Variants in CCL5 observed in about 807,000 individuals in gnomAD.
CCL5 encodes C-C motif chemokine 5.
A neutral mutation model predicts 9.0 loss-of-function variants in CCL5; 5 were observed. The ratio of observed to expected loss-of-function variants is 0.55; its 90% confidence interval spans 0.29 to 1.16. The LOEUF (loss-of-function observed/expected upper bound fraction) is 1.16. CCL5 is among the 50% of genes most tolerant of loss of function. The pLI, the probability that CCL5 is intolerant of heterozygous loss-of-function variation, is 0.08. For synonymous variants in CCL5, 66 were observed against 72.0 expected, an observed-to-expected ratio of 0.92 and a Z score of 0.42; for missense variants, 183 against 183.2, an observed-to-expected ratio of 1.00 and a Z score of 0.01.
intron 1 of CCL5, among the ~76,000 whole-genome samples, chr17:35,879,418 A>AT (rs2088484290): frequency 6.6e-6 from 1 of 152,144 alleles, no homozygotes. Context: ...GCGGATCACG[A>AT]GGTCAAGAGA....
At chr17:35,873,388 T>C (rs989658708) in intron 3 of CCL5, among the ~76,000 whole-genome samples, 13 of 151,268 alleles carry the variant, frequency 8.6e-5, no homozygotes, top group South Asian at 2.1e-4. Context: ...AGAGTTTCAC[T>C]GTGTTAGCCA....
intron 1 of CCL5, among the ~76,000 whole-genome samples, chr17:35,879,875 C>T (rs1048688833): frequency 2.0e-5 from 3 of 151,988 alleles, no homozygotes; most frequent in Non-Finnish European, 4.4e-5. Flanking sequence ...TCTTAGAAAC[C>T]CTGCTGCTGA....
At chr17:35,875,486 G>T in intron 3 of CCL5, 2 of 563,312 alleles carry the variant, frequency 3.6e-6, no homozygotes, top group Non-Finnish European at 4.5e-6. Context: ...GGGAACGGAA[G>T]CAATATTCTG....
intron 3 of CCL5, among the ~76,000 whole-genome samples, chr17:35,872,983 G>A (rs975163878): frequency 2.6e-5 from 4 of 151,722 alleles, no homozygotes; most frequent in African/African-American, 4.8e-5. Context: ...TTCGCCTCCC[G>A]GGTTCAAGCG....
At chr17:35,878,431 C>T in intron 2 of CCL5, 97 bp downstream of exon 2, 1 of 784,188 alleles carries the variant, frequency 1.3e-6, no homozygotes, top group Admixed American at 2.0e-5. Context: ...GCTGTGGCTG[C>T]TTGCAGCTGG....
At chr17:35,880,348 GATCCTCTGCAGGA>G (rs774271444) in exon 1 of CCL5, 2 of 1,522,142 alleles carry the variant, frequency 1.3e-6, no homozygotes, top group Non-Finnish European at 1.8e-6. Context: ...GTGCTGTCTT[GATCCTCTGCAGGA>G]ATCCTCTGCA....
In CCL5 at chr17:35,872,472, AGAG is replaced by A. The variant is rs765182976; in HGVS notation, c.271-11_271-9del. ...TTCTTTCGGGTGACAAAGCTGTGGG[AGAG>A]GAGAAGAAGAGGGAGGATGAGACCT... On this transcript the variant is annotated splice_polypyrimidine_tract_variant and intron_variant, in intron 3 of 3. Transcript: ENST00000651122. 7 of 1,613,752 alleles carry A rather than the reference AGAG, an allele frequency of 4.3e-6. No individual in the cohort carries two copies. The highest frequency in any genetic ancestry group is 5.9e-6 in the Non-Finnish European group (7 of 1,179,762).
Position 35,879,733 on chromosome 17 carries a change from T to C in CCL5, c.76+497A>G, listed in dbSNP as rs1237362692. On this transcript the variant is annotated intron_variant, in intron 1 of 3. Coordinates refer to ENST00000651122, the MANE Select transcript of CCL5 (RefSeq NM_001278736.2). ...AGCTTTTATTATCCTCTCCTTGTTTTTATTTGTTTTTTAAATGTATTCACT... is the reference window on the plus strand; with the variant it reads ...AGCTTTTATTATCCTCTCCTTGTTTCTATTTGTTTTTTAAATGTATTCACT... Among the ~76,000 whole-genome samples, 3 of 152,282 alleles carry C rather than the reference T, an allele frequency of 2.0e-5. No homozygotes were observed. In the South Asian group the frequency reaches 6.2e-4, roughly 32 times the overall value.
Position 35,872,454 on chromosome 17 carries a change from G to T in CCL5, c.281C>A (p.Pro94Gln), listed in dbSNP as rs761483805. 6.8e-6 allele frequency: 11 copies of T among 1,613,978 alleles called. No homozygotes were observed. In the South Asian group the frequency reaches 1.2e-4, roughly 18 times the overall value. The change falls in exon 4 of 4, where the codon CCG (proline) becomes CAG (glutamine). Residue 94 changes from proline to glutamine, a missense_variant. Pro to Gln is a moderately conservative substitution (Grantham distance 76, BLOSUM62 -1). Coordinates refer to ENST00000651122, the MANE Select transcript of CCL5 (RefSeq NM_001278736.2). Reference sequence around the variant, plus strand: ...TTGGCACACACTTGGCGGTTCTTTCGGGTGACAAAGCTGTGGGAGAGGAGA... The same window carrying T: ...TTGGCACACACTTGGCGGTTCTTTCTGGTGACAAAGCTGTGGGAGAGGAGA...
rs1358648221 is a variant in CCL5, at chr17:35,871,923, T to A, written c.*347A>T. The stretch of plus-strand genomic sequence containing the variant: ...CGCCCGGCTAATTTTTGTATTTTTT[T>A]TTTTTTTTTTTTTTTTGAGACGGAG... On this transcript the variant is annotated 3_prime_UTR_variant, in exon 4 of 4. Coordinates refer to ENST00000651122, the MANE Select transcript of CCL5 (RefSeq NM_001278736.2). The A allele has an allele frequency of 1.5e-5, 2 of 137,542 alleles. No homozygotes were observed. The highest frequency in any genetic ancestry group is 1.4e-4 in the Admixed American group (2 of 13,964). 8.5% of individuals were successfully genotyped at this position (137,542 alleles called of 1,614,324 possible).
At chr17:35,878,343 G>A (rs1222463556) in intron 2 of CCL5, among the ~76,000 whole-genome samples, 185 bp downstream of exon 2, 1 of 150,580 alleles carries the variant, frequency 6.6e-6, no homozygotes, top group Non-Finnish European at 1.5e-5. Flanking sequence ...GTCCATTGGA[G>A]TGGGCACGAT....
chr17:35,877,812 T>A (rs1167915813), intron 2 of CCL5, among the ~76,000 whole-genome samples: 1 of 152,198 alleles, frequency 6.6e-6, no homozygotes, highest in East Asian at 1.9e-4. Context: ...CAGTTATAGA[T>A]CCCTGACCTC....
chr17:35,880,203 G>T (rs763587257), intron 1 of CCL5, 27 bp downstream of exon 1: 5 of 1,595,344 alleles, frequency 3.1e-6, no homozygotes, highest in Admixed American at 3.3e-5. Flanking sequence ...GACTCCAGGG[G>T]CTGTGGTGGT....
At chr17:35,872,608 T>G in intron 3 of CCL5, 144 bp from the exon 3 acceptor site, 1 of 684,508 alleles carries the variant, frequency 1.5e-6, no homozygotes, top group Non-Finnish European at 2.6e-6. Context: ...AGATTTTATT[T>G]GTGGCTTTTA....
At chr17:35,876,986 T>A (rs2088449240) in intron 2 of CCL5, among the ~76,000 whole-genome samples, 1 of 152,188 alleles carries the variant, frequency 6.6e-6, no homozygotes, top group Non-Finnish European at 1.5e-5. Context: ...TTGCCCCTCT[T>A]ATTAGACTAT....
In CCL5 at chr17:35,872,186, G is replaced by A. The variant is rs570894226; in HGVS notation, c.*84C>T. ...GATCCACCCACCTTGGCCTCCCAAA[G>A]TGCTGGGATTACAGGCGTGAGCCAC... On this transcript the variant is annotated 3_prime_UTR_variant, in exon 4 of 4. Coordinates refer to ENST00000651122, the MANE Select transcript of CCL5 (RefSeq NM_001278736.2). 3.9e-6 allele frequency: 4 copies of A among 1,014,800 alleles called. No homozygotes were observed. The highest frequency in any genetic ancestry group is 5.4e-6 in the Non-Finnish European group (4 of 747,506). The allele number at this position is 1,014,800 out of a possible 1,614,324, so 62.9% of individuals were successfully genotyped here.
chr17:35,878,686 G>T, intron 1 of CCL5, 47 bp from the exon 2 acceptor site: 1 of 1,086,382 alleles, frequency 9.2e-7, no homozygotes, highest in Non-Finnish European at 1.4e-6. Context: ...CATTGCTACT[G>T]CACACTTGAC....
At chr17:35,878,149 T>C (rs975929876) in intron 2 of CCL5, among the ~76,000 whole-genome samples, 10 of 151,358 alleles carry the variant, frequency 6.6e-5, no homozygotes, top group African/African-American at 2.2e-4. Flanking sequence ...CCAGGCATGG[T>C]GTGGGCACCT....
intron 3 of CCL5, among the ~76,000 whole-genome samples, chr17:35,875,104 G>A (rs1406283224): frequency 6.7e-6 from 1 of 150,058 alleles, no homozygotes; most frequent in African/African-American, 2.5e-5. Flanking sequence ...GATGTGCTAT[G>A]TACCCACCTT....
Sources: gnomAD v4.1 joint callset for allele counts (sites outside exome capture counted in the v4.1 genomes callset) on GRCh38, gnomAD v4.1.1 for gene constraint, MANE v1.5 for transcripts, NCBI Gene and HGNC (gene_info 2026-07-23, HGNC 2026-07-21) for gene names.